Variants in TYRP1 observed in about 807,000 individuals in gnomAD.
The protein encoded by TYRP1 is tyrosinase related protein 1.
A neutral mutation model predicts 42.8 loss-of-function variants in TYRP1; 49 were observed. That is an observed-to-expected ratio of 1.14 (90% confidence interval 0.91 to 1.45). The LOEUF is 1.45. Among genes scored for constraint, TYRP1 ranks in the 40% most tolerant of loss-of-function variants. TYRP1 has a pLI of 0.00. For missense variants in TYRP1, 848 were observed against 662.0 expected (o/e 1.28, Z -3.08); for synonymous variants, 279 against 235.4 (o/e 1.19, Z -1.69).
intron 6 of TYRP1, among the ~76,000 whole-genome samples, chr9:12,705,645 G>C (rs955898792): frequency 1.3e-5 from 2 of 151,980 alleles, no homozygotes; most frequent in African/African-American, 4.8e-5. Context: ...CCAAGAGTTT[G>C]AGACCAGCCT....
chr9:12,708,446 G>A (rs752442985), intron 7 of TYRP1, among the ~76,000 whole-genome samples: 1 of 151,932 alleles, frequency 6.6e-6, no homozygotes, highest in African/African-American at 2.4e-5. Flanking sequence ...AACTGTTACA[G>A]ATTCACATTT....
intron 4 of TYRP1, chr9:12,700,377 C>T (rs1357857719): frequency 1.3e-5 from 2 of 152,032 alleles, no homozygotes; most frequent in Non-Finnish European, 2.9e-5. Flanking sequence ...AATTAATGCG[C>T]CAAACTTGGT....
At position 12,702,478 on chromosome 9, in the gene TYRP1, T is replaced by A. The variant is rs201325712; in HGVS notation, c.1081+40T>A. 48 of 1,597,184 alleles carry A rather than the reference T, an allele frequency of 3.0e-5. No homozygotes were observed. In the East Asian group the frequency reaches 1.0e-3, roughly 35 times the overall value. On this transcript the variant is annotated intron_variant, in intron 5 of 7. Coordinates refer to ENST00000388918, the MANE Select transcript of TYRP1 (RefSeq NM_000550.3). ...TCAGTATTTTTAAAAGATCTAGTTA[T>A]CAGAGAAAACTGAATTATTCAAAAG... is the stretch of plus-strand genomic sequence containing the variant.
intron 6 of TYRP1, among the ~76,000 whole-genome samples, chr9:12,706,147 CAAATT>C (rs1357105162): frequency 6.6e-6 from 1 of 151,938 alleles, no homozygotes; most frequent in African/African-American, 2.4e-5. Context: ...TGAGTAAACT[CAAATT>C]AATAGGTTTA....
Position 12,695,649 on chromosome 9 carries a change from G to T in TYRP1, c.520G>T (p.Gly174Cys), listed in dbSNP as rs78071458. Residue 174 changes from glycine (G) to cysteine (C), a missense_variant, in exon 3 of 8, where the codon GGC (glycine) becomes TGC (cysteine). Coordinates refer to ENST00000388918, the MANE Select transcript of TYRP1 (RefSeq NM_000550.3). The part of the protein sequence containing the change: ...RRSEEILGPD[G>C]NTPQFENISI... ...ATCAGAAGAAATACTGGGGCCAGAT[G>T]GCAACACGCCACAATTTGAGAACAT... 41 of 1,613,976 alleles carry T rather than the reference G, an allele frequency of 2.5e-5. No homozygotes were observed. The highest frequency in any genetic ancestry group is 1.6e-4 in the Middle Eastern group (1 of 6,084).
At chr9:12,706,042 A>C (rs560949956) in intron 6 of TYRP1, among the ~76,000 whole-genome samples, 2 of 152,178 alleles carry the variant, frequency 1.3e-5, no homozygotes, top group East Asian at 1.9e-4. Flanking sequence ...CAAAATGTTC[A>C]ATTTACATAC....
Position 12,695,848 on chromosome 9 carries a change from A to AT in TYRP1, c.708+11_708+12insT. The AT allele has an allele frequency of 6.2e-7, 1 of 1,613,492 alleles. No homozygotes were observed. The highest frequency in any genetic ancestry group is 8.5e-7 in the Non-Finnish European group (1 of 1,179,844). On this transcript the variant is annotated intron_variant, in intron 3 of 7. Coordinates refer to ENST00000388918, the MANE Select transcript of TYRP1 (RefSeq NM_000550.3). Reference sequence around the variant, plus strand: ...GAGAAAGACATGCAGGTATGTAAGAAGCATTTCAGTTTGCAGACTCTTTAC... The same window carrying AT: ...GAGAAAGACATGCAGGTATGTAAGAATGCATTTCAGTTTGCAGACTCTTTAC...
rs1025892257 is a variant in TYRP1, at chr9:12,694,307, A to G, written c.311A>G (p.Asn104Ser). The stretch of plus-strand genomic sequence containing the variant: ...AATAGGACATGTCACTGCAACGGCA[A>G]TTTCTCAGGACACAACTGTGGGACG... ...FFNRTCHCNG[N>S]FSGHNCGTCR... The change falls in exon 2 of 8, where the codon AAT becomes AGT. Residue 104 changes from asparagine (N) to serine (S), a missense_variant. By Grantham distance (46) the Asn-to-Ser change is conservative (BLOSUM62 1). Coordinates refer to ENST00000388918, the MANE Select transcript of TYRP1 (RefSeq NM_000550.3). The G allele has an allele frequency of 5.6e-6, 9 of 1,613,918 alleles. No homozygotes were observed. In the African/African-American group the frequency reaches 1.2e-4, roughly 22 times the overall value.
intron 5 of TYRP1, among the ~76,000 whole-genome samples, chr9:12,703,884 T>TGTGTGTGG (rs1491371204): frequency 1.9e-3 from 3 of 1,604 alleles, no homozygotes; most frequent in Non-Finnish European, 6.1e-3. Context: ...TATATATATA[T>TGTGTGTGG]GTGTGTGTGT....
In TYRP1 at chr9:12,702,799, G is replaced by GT. The variant is rs548364012; in HGVS notation, c.1081+371dup. On this transcript the variant is annotated intron_variant, in intron 5 of 7. Transcript: ENST00000388918. ...TTTGACAGTGTATTAAATTAGTTTA[G>GT]TTTTTTTTTTAAATAGAGTAATAAA... Among the ~76,000 whole-genome samples, 333 of 148,990 alleles carry GT rather than the reference G, an allele frequency of 2.2e-3. 3 individuals are homozygous for GT. The highest frequency in any genetic ancestry group is 6.8e-3 in the African/African-American group (276 of 40,722).
chr9:12,707,763 T>G, intron 6 of TYRP1: 2 of 421,560 alleles, frequency 4.7e-6, no homozygotes, highest in Non-Finnish European at 4.2e-6. Context: ...AAAACTCCCC[T>G]GCTTTTAAAC....
chr9:12,707,266 G>A (rs41305651), intron 6 of TYRP1, among the ~76,000 whole-genome samples: 3 of 151,988 alleles, frequency 2.0e-5, no homozygotes, highest in Admixed American at 6.6e-5. Context: ...GTAATCACAC[G>A]TACACTTAAG....
At chr9:12,700,113 A>G (rs1818142092) in intron 4 of TYRP1, 1 of 152,136 alleles carries the variant, frequency 6.6e-6, no homozygotes, top group South Asian at 2.1e-4. Context: ...GGGAAAAACT[A>G]TCATTTTATT....
chr9:12,703,661 A>C (rs1818210287), intron 5 of TYRP1, among the ~76,000 whole-genome samples: 1 of 152,006 alleles, frequency 6.6e-6, no homozygotes, highest in South Asian at 2.1e-4. Context: ...TAGGTGGCTA[A>C]ATAAGTGGCT....
rs535680394 is a variant in TYRP1 at position 12,703,187 on chromosome 9, CTTG to C, written c.1081+752_1081+754del. On this transcript the variant is annotated intron_variant, in intron 5 of 7. Coordinates refer to ENST00000388918, the MANE Select transcript of TYRP1 (RefSeq NM_000550.3). ...AATATAATTACTTTTATCTTATAAA[CTTG>C]TTATTGTTAAATTTTTACCTTCAAT... Among the ~76,000 whole-genome samples the C allele has an allele frequency of 8.6e-4, 131 of 151,786 alleles. 2 individuals are homozygous for C. Among genetic ancestry groups the C allele is most frequent in the African/African-American group, 2.9e-3 (119 of 41,474 alleles).
intron 3 of TYRP1, among the ~76,000 whole-genome samples, chr9:12,698,015 A>G (rs569690863): frequency 2.0e-4 from 30 of 152,282 alleles, no homozygotes; most frequent in South Asian, 1.7e-3. Flanking sequence ...TCCACAAAAC[A>G]TATTTTAAGG....
In TYRP1 at chr9:12,694,023, G is replaced by A. The variant is rs113063859; in HGVS notation, c.27G>A (p.Leu9=). The part of the protein sequence containing the change: MSAPKLLS[L]GCIFFPLLLF... ...TGAGTGCTCCTAAACTCCTCTCTCT[G>A]GGCTGTATCTTCTTCCCCTTGCTAC... Residue 9 remains leucine, a synonymous_variant, in exon 2 of 8, where the codon CTG becomes CTA. Transcript: ENST00000388918. The A allele has an allele frequency of 6.2e-7, 1 of 1,613,906 alleles. No homozygotes were observed. The highest frequency in any genetic ancestry group is 1.1e-5 in the South Asian group (1 of 91,062).
At chr9:12,706,506 T>A (rs891823032) in intron 6 of TYRP1, among the ~76,000 whole-genome samples, 2 of 152,040 alleles carry the variant, frequency 1.3e-5, no homozygotes, top group Non-Finnish European at 2.9e-5. Context: ...TTGTTTGCAA[T>A]ATGTGTAGCA....
At position 12,708,121 on chromosome 9, in the gene TYRP1, C is replaced by T. The variant is rs752817144; in HGVS notation, c.1386C>T (p.Tyr462=). 1 of 1,612,720 alleles carries T rather than the reference C, an allele frequency of 6.2e-7. No individual in the cohort carries two copies. Among genetic ancestry groups the T allele is most frequent in the South Asian group, 1.1e-5 (1 of 91,034 alleles). The change falls in exon 7 of 8, where the codon TAC becomes TAT. Residue 462 remains tyrosine, a synonymous_variant. Coordinates refer to ENST00000388918, the MANE Select transcript of TYRP1 (RefSeq NM_000550.3). The part of the protein sequence containing the change: ...MFVTAPDNLG[Y]TYEIQWPSRE... Reference sequence around the variant, plus strand: ...TTACTGCTCCAGACAACCTGGGATACACTTATGAAATTCAATGGCCAAGTG... The same window carrying T: ...TTACTGCTCCAGACAACCTGGGATATACTTATGAAATTCAATGGCCAAGTG...
Sources: allele counts gnomAD v4.1 joint callset (sites outside exome capture counted in the v4.1 genomes callset), GRCh38; gene constraint gnomAD v4.1.1; transcripts MANE v1.5; gene names NCBI Gene and HGNC (gene_info 2026-07-23, HGNC 2026-07-21).